XIAP: variants seen among roughly 807,000 people sequenced by gnomAD.
XIAP encodes the protein X-linked inhibitor of apoptosis.
Under a neutral mutation model 33.1 loss-of-function variants are expected in XIAP, and 3 were observed. The observed-to-expected ratio is 0.09, with a 90% confidence interval of 0.04 to 0.23. The LOEUF (loss-of-function observed/expected upper bound fraction) is 0.23, where lower values mean the gene tolerates loss of function less well. Ranked by LOEUF, XIAP falls within the 10% of genes least tolerant of loss-of-function variation. The probability of loss-of-function intolerance (pLI) is 1.00; values close to 1 mark genes in which losing one functional copy is unlikely to be tolerated. For synonymous variants in XIAP, 98 were observed against 121.3 expected (o/e 0.81, Z 1.26); for missense variants, 264 against 363.0 (o/e 0.73, Z 2.22).
chrX:123,906,861 A>C, intron 6 of XIAP, 127 bp from the exon 7 acceptor site: 4 of 727,944 alleles, frequency 5.5e-6, no homozygotes, highest in Non-Finnish European at 8.3e-6. Context: ...GCCACGGGTG[A>C]GTCATCCTCA....
intron 1 of XIAP, among the ~76,000 whole-genome samples, chrX:123,861,979 A>T (rs1263041319): frequency 2.7e-5 from 3 of 112,633 alleles, no homozygotes; most frequent in African/African-American, 9.7e-5. Flanking sequence ...TAACACATTT[A>T]AAATATCAAA....
At chrX:123,870,410 A>C (rs1410580735) in intron 1 of XIAP, among the ~76,000 whole-genome samples, 1 of 112,357 alleles carries the variant, frequency 8.9e-6, no homozygotes, top group African/African-American at 3.2e-5. Context: ...TGTATCGTTT[A>C]AATTTGGTTT....
intron 1 of XIAP, among the ~76,000 whole-genome samples, chrX:123,880,070 C>T (rs1207622130): frequency 9.2e-6 from 1 of 108,816 alleles, no homozygotes; most frequent in African/African-American, 3.4e-5. Context: ...GCCGAGATTG[C>T]GCCACTGCAC....
At chrX:123,881,100 A>G (rs186662656) in intron 1 of XIAP, among the ~76,000 whole-genome samples, 3 of 110,397 alleles carry the variant, frequency 2.7e-5, no homozygotes, top group East Asian at 2.8e-4. Context: ...CAGCCCCTTT[A>G]TACCAAAAGC....
In XIAP at chrX:123,886,327, G is replaced by A. The variant is rs1162866133; in HGVS notation, c.665G>A (p.Arg222Gln). Residue 222 changes from arginine (R) to glutamine (Q), a missense_variant, in exon 2 of 7, where the codon CGA (arginine) becomes CAA (glutamine). Coordinates refer to ENST00000371199, the MANE Select transcript of XIAP (RefSeq NM_001167.4). ...PCDRAWSEHRRHFPNCFFVLG... is the reference protein window; with the variant it reads ...PCDRAWSEHRQHFPNCFFVLG... ...GATCGTGCCTGGTCAGAACACAGGC[G>A]ACACTTTCCTAATTGCTTCTTTGTT... 6.6e-6 allele frequency: 8 copies of A among 1,211,935 alleles called. No homozygotes were observed. Among genetic ancestry groups the A allele is most frequent in the Non-Finnish European group, 8.9e-6 (8 of 895,604 alleles).
chrX:123,884,353 G>A (rs1450691858), intron 1 of XIAP, among the ~76,000 whole-genome samples: 4 of 110,452 alleles, frequency 3.6e-5, no homozygotes, highest in African/African-American at 9.9e-5. Context: ...GCATGGTGGC[G>A]CATGCCTGTA....
In XIAP at chrX:123,912,216, GAAAAA is replaced by G. The variant is rs368295939; in HGVS notation, c.*5043_*5047del. Reference sequence around the variant, plus strand: ...ACCAAGGAGGAATTGAAAACACTGAGAAAAAAAAAAAAGACCACACAATAAAAAAA... The same window carrying G: ...ACCAAGGAGGAATTGAAAACACTGAGAAAAAAAGACCACACAATAAAAAAA... On this transcript the variant is annotated 3_prime_UTR_variant, in exon 7 of 7. Coordinates refer to ENST00000371199, the MANE Select transcript of XIAP (RefSeq NM_001167.4). 2.4e-5 allele frequency: 5 copies of G among 204,914 alleles called. No individual in the cohort carries two copies. The highest frequency in any genetic ancestry group is 4.4e-5 in the Non-Finnish European group (5 of 114,218). The allele number at this position is 204,914 out of a possible 1,213,427, so 16.9% of individuals were successfully genotyped here.
chrX:123,870,656 T>G (rs5958322), intron 1 of XIAP, among the ~76,000 whole-genome samples: 42,411 of 110,023 alleles, frequency 0.39, 6,248 homozygotes, highest in African/African-American at 0.49. Flanking sequence ...GAGTGTGCTG[T>G]CGCCTGCCTG....
In XIAP at chrX:123,885,643, A is replaced by G; in HGVS notation, c.-20A>G. The G allele has an allele frequency of 8.3e-7, 1 of 1,207,117 alleles. No individual in the cohort carries two copies. Among genetic ancestry groups the G allele is most frequent in the Non-Finnish European group, 1.1e-6 (1 of 893,476 alleles). ...GTTCTCTTTTTAGAAAAGGTGGACAAGTCCTATTTTCAAGAGAAGATGACT... is the reference window on the plus strand; with the variant it reads ...GTTCTCTTTTTAGAAAAGGTGGACAGGTCCTATTTTCAAGAGAAGATGACT... On this transcript the variant is annotated 5_prime_UTR_variant, in exon 2 of 7. Coordinates refer to ENST00000371199, the MANE Select transcript of XIAP (RefSeq NM_001167.4).
At chrX:123,888,569 G>A in intron 2 of XIAP, 50 bp from the exon 3 acceptor site, 1 of 1,089,072 alleles carries the variant, frequency 9.2e-7, no homozygotes, top group Non-Finnish European at 1.3e-6. Flanking sequence ...GAATATTTTT[G>A]TGTAAGCTTC....
chrX:123,901,236 T>C lies in XIAP; in HGVS notation c.1300+543T>C, dbSNP rs962150696. On this transcript the variant is annotated intron_variant, in intron 6 of 6. Transcript: ENST00000371199. ...ACTGTCTCTACAAAAAATACAAAAA[T>C]TAGCCGGGCATGGTGGTGTGTGCCT... Among the ~76,000 whole-genome samples the C allele has an allele frequency of 4.3e-4, 48 of 111,731 alleles. 1 individual carries two copies. Among genetic ancestry groups the C allele is most frequent in the Non-Finnish European group, 7.9e-4 (42 of 53,090 alleles).
intron 5 of XIAP, among the ~76,000 whole-genome samples, chrX:123,895,377 T>A (rs1282357936): frequency 8.9e-6 from 1 of 112,669 alleles, no homozygotes; most frequent in Non-Finnish European, 1.9e-5. Flanking sequence ...TTTCTACTTT[T>A]TGACTATTAT....
rs923693326 is a variant in XIAP, at chrX:123,908,919, A to C, written c.*1738A>C. On this transcript the variant is annotated 3_prime_UTR_variant, in exon 7 of 7. Transcript: ENST00000371199. ...AAGTTTGAGAGTAAAACTGTAAAAA[A>C]TTATATTTTTGTTGTACTTTCTAAG... 2.9e-6 allele frequency: 1 copy of C among 348,899 alleles called. No individual in the cohort carries two copies. The highest frequency in any genetic ancestry group is 2.6e-5 in the African/African-American group (1 of 38,742). The allele number at this position is 348,899 out of a possible 1,213,427, so 28.8% of individuals were successfully genotyped here. A position where few individuals can be genotyped will look rare whatever the true frequency, so the allele number is the denominator to read the frequency against.
chrX:123,860,858 A>G (rs769825272), intron 1 of XIAP, among the ~76,000 whole-genome samples: 24 of 111,856 alleles, frequency 2.1e-4, no homozygotes, highest in Non-Finnish European at 3.8e-4. Context: ...ACTAAGCAGT[A>G]GCCCTCTCCA....
At position 123,912,993 on chromosome X, in the gene XIAP, C is replaced by G. The variant is rs1458220906; in HGVS notation, c.*5812C>G. On this transcript the variant is annotated 3_prime_UTR_variant, in exon 7 of 7. Coordinates refer to ENST00000371199, the MANE Select transcript of XIAP (RefSeq NM_001167.4). ...GACTGGTTTCGCGGTGTTGACCAGG[C>G]TGGTCTCGAACTCCTGATCTCAGGT... The G allele has an allele frequency of 3.5e-6, 1 of 284,620 alleles. No individual in the cohort carries two copies. 23.5% of individuals were successfully genotyped at this position (284,620 alleles called of 1,213,427 possible).
chrX:123,864,667 T>TTTCACC (rs2053114720), intron 1 of XIAP, among the ~76,000 whole-genome samples: 1 of 97,535 alleles, frequency 1.0e-5, no homozygotes. Context: ...TGTGTGTGTG[T>TTTCACC]GTGTGTGTGT....
chrX:123,888,800 T>C lies in XIAP; in HGVS notation c.977+82T>C, dbSNP rs929532158. The C allele has an allele frequency of 2.3e-5, 21 of 897,479 alleles. 1 individual carries two copies. In the African/African-American group the frequency reaches 2.9e-4, roughly 12 times the overall value. The allele number at this position is 897,479 out of a possible 1,213,427, so 74.0% of individuals were successfully genotyped here. The stretch of plus-strand genomic sequence containing the variant: ...TTGAATTACTTTTTACCTCAACTAT[T>C]TTTGCCTTCACTATGGCTTGAAATT... On this transcript the variant is annotated intron_variant, in intron 3 of 6. Coordinates refer to ENST00000371199, the MANE Select transcript of XIAP (RefSeq NM_001167.4).
chrX:123,905,589 T>A (rs1035304626), intron 6 of XIAP, among the ~76,000 whole-genome samples: 5 of 112,062 alleles, frequency 4.5e-5, no homozygotes, highest in African/African-American at 1.6e-4. Flanking sequence ...CCTGTTTGCT[T>A]GTGTTCTTTA....
chrX:123,897,648 C>T (rs975726411), intron 5 of XIAP, among the ~76,000 whole-genome samples: 4 of 111,153 alleles, frequency 3.6e-5, no homozygotes, highest in Non-Finnish European at 5.7e-5. Context: ...CTGCAACCAC[C>T]GACTCCCGGG....
Sources: allele counts gnomAD v4.1 joint callset (sites outside exome capture counted in the v4.1 genomes callset), GRCh38; gene constraint gnomAD v4.1.1; transcripts MANE v1.5; gene names NCBI Gene and HGNC (gene_info 2026-07-23, HGNC 2026-07-21).